The following SLC14A2 variants were observed in gnomAD, a reference collection of about 807,000 sequenced individuals.
SLC14A2 encodes urea transporter 2.
A neutral mutation model predicts 104.6 loss-of-function variants in SLC14A2; 91 were observed. The observed-to-expected ratio is 0.87, with a 90% CI of 0.73 to 1.04. The LOEUF (loss-of-function observed/expected upper bound fraction) is 1.04. Among genes scored for constraint, SLC14A2 ranks in the 50% least tolerant of loss-of-function variants. The pLI, the probability that SLC14A2 is intolerant of heterozygous loss-of-function variation, is 0.00. For synonymous variants in SLC14A2, 476 were observed against 466.4 expected (o/e 1.02, Z -0.27); for missense variants, 1,189 against 1,156.0 (o/e 1.03, Z -0.41).
At chr18:45,391,433 A>G (rs1021711874) in intron 1 of SLC14A2, among the ~76,000 whole-genome samples, 4 of 152,194 alleles carry the variant, frequency 2.6e-5, no homozygotes, top group African/African-American at 9.7e-5. Flanking sequence ...TCCTTTGGGT[A>G]TATACCCAGT....
intron 1 of SLC14A2, among the ~76,000 whole-genome samples, chr18:45,265,809 C>T (rs1030773403): frequency 6.6e-6 from 1 of 152,174 alleles, no homozygotes; most frequent in African/African-American, 2.4e-5. Flanking sequence ...CCTGTTGTTA[C>T]TGTTTTTAGA....
At chr18:45,205,457 A>G in the SLC14A2 span, among the ~76,000 whole-genome samples, 2 of 152,354 alleles carry the variant, frequency 1.3e-5, no homozygotes, top group African/African-American at 2.4e-5. Flanking sequence ...TAGAAGGAGC[A>G]GACAAAGCTG....
intron 2 of SLC14A2, among the ~76,000 whole-genome samples, chr18:45,600,745 C>A (rs965318817): frequency 6.6e-6 from 1 of 152,186 alleles, no homozygotes; most frequent in Non-Finnish European, 1.5e-5. Flanking sequence ...TGAGTGTGAG[C>A]AGAAGATCTA....
intron 1 of SLC14A2, among the ~76,000 whole-genome samples, chr18:45,264,634 C>T (rs190801377): frequency 6.6e-5 from 10 of 152,204 alleles, no homozygotes; most frequent in African/African-American, 2.4e-4. Flanking sequence ...GGGGACAGGC[C>T]TGGGAGAATG....
intron 1 of SLC14A2, among the ~76,000 whole-genome samples, chr18:45,281,307 C>A (rs942307245): frequency 2.6e-5 from 4 of 152,054 alleles, no homozygotes; most frequent in African/African-American, 4.8e-5. Context: ...TACACACTTA[C>A]ACACACACAC....
At chr18:45,654,179 C>T (rs1028247401) in intron 10 of SLC14A2, among the ~76,000 whole-genome samples, 1 of 151,640 alleles carries the variant, frequency 6.6e-6, no homozygotes, top group Non-Finnish European at 1.5e-5. Flanking sequence ...ATTTGTCTTT[C>T]TTCTCCCTGA....
At chr18:45,675,700 TATATA>T (rs2046214884) in intron 18 of SLC14A2, among the ~76,000 whole-genome samples, 1 of 64,086 alleles carries the variant, frequency 1.6e-5, no homozygotes, top group African/African-American at 5.9e-5. Context: ...TATATATATA[TATATA>T]TATATTTTTT....
chr18:45,288,943 T>C (rs1276185647), intron 1 of SLC14A2, among the ~76,000 whole-genome samples: 1 of 152,178 alleles, frequency 6.6e-6, no homozygotes, highest in Non-Finnish European at 1.5e-5. Context: ...TAAACGTAAA[T>C]GAAGGAGCCC....
At chr18:45,237,557 G>A (rs2144040928) in intron 1 of SLC14A2, among the ~76,000 whole-genome samples, 1 of 152,320 alleles carries the variant, frequency 6.6e-6, no homozygotes, top group East Asian at 1.9e-4. Flanking sequence ...TGTGACCTTG[G>A]AGTGGTGGCG....
intron 2 of SLC14A2, among the ~76,000 whole-genome samples, chr18:45,559,890 A>G (rs572809741): frequency 1.3e-5 from 2 of 152,128 alleles, no homozygotes; most frequent in Non-Finnish European, 2.9e-5. Flanking sequence ...TTTCAGCCCA[A>G]AGGCTGTTCC....
intron 1 of SLC14A2, among the ~76,000 whole-genome samples, chr18:45,232,805 C>A (rs988991069): frequency 6.6e-6 from 1 of 152,304 alleles, no homozygotes; most frequent in East Asian, 1.9e-4. Flanking sequence ...TGCTATTAAG[C>A]AGCTTATAGG....
At chr18:45,299,239 TAG>T (rs2084944625) in intron 1 of SLC14A2, among the ~76,000 whole-genome samples, 1 of 152,228 alleles carries the variant, frequency 6.6e-6, no homozygotes, top group Non-Finnish European at 1.5e-5. Context: ...CCTTTCTTTT[TAG>T]AGAGTTCCAG....
At chr18:45,326,542 C>T (rs1362431765) in intron 1 of SLC14A2, among the ~76,000 whole-genome samples, 1 of 152,192 alleles carries the variant, frequency 6.6e-6, no homozygotes, top group Non-Finnish European at 1.5e-5. Context: ...TTCAACCATT[C>T]CTTTTGAGTC....
At chr18:45,305,700 G>GT (rs937911127) in intron 1 of SLC14A2, among the ~76,000 whole-genome samples, 21 of 151,442 alleles carry the variant, frequency 1.4e-4, no homozygotes, top group African/African-American at 3.4e-4. Flanking sequence ...AGCGAAGATG[G>GT]TTTTTTTTTC....
At chr18:45,363,310 C>T (rs949088021) in intron 1 of SLC14A2, among the ~76,000 whole-genome samples, 4 of 151,736 alleles carry the variant, frequency 2.6e-5, no homozygotes, top group African/African-American at 9.7e-5. Context: ...AATATGGGCA[C>T]AAAACCAGGA....
chr18:45,222,035 A>C (rs2084067459), intron 1 of SLC14A2, among the ~76,000 whole-genome samples: 1 of 152,148 alleles, frequency 6.6e-6, no homozygotes, highest in African/African-American at 2.4e-5. Flanking sequence ...TTAAGATACA[A>C]AGAGAGAAGA....
chr18:45,368,306 A>G (rs2085687000), intron 1 of SLC14A2, among the ~76,000 whole-genome samples: 1 of 152,162 alleles, frequency 6.6e-6, no homozygotes, highest in Non-Finnish European at 1.5e-5. Context: ...GAATATATAG[A>G]AAAAGCATGA....
chr18:45,641,670 C>T (rs1251250774), intron 8 of SLC14A2, among the ~76,000 whole-genome samples: 1 of 152,232 alleles, frequency 6.6e-6, no homozygotes, highest in Non-Finnish European at 1.5e-5. Context: ...ACAACACCAT[C>T]AAGTGCCAGG....
In SLC14A2 at chr18:45,474,929, T is replaced by G. The variant is rs549546150; in HGVS notation, c.-124-8304T>G. On this transcript the variant is annotated intron_variant, in intron 1 of 20. Coordinates refer to the SLC14A2 transcript ENST00000586448. ...TCTTGTCTTTTGCTAGCTTTTGAAT[T>G]TGTTTGCTCTTGCTTCTCTAGTTCT... Among the ~76,000 whole-genome samples, 18 of 152,214 alleles carry G rather than the reference T, an allele frequency of 1.2e-4. No individual in the cohort carries two copies. In the South Asian group the frequency reaches 3.7e-3, roughly 32 times the overall value.
Sources: gnomAD v4.1 joint callset for allele counts (sites outside exome capture counted in the v4.1 genomes callset) on GRCh38, gnomAD v4.1.1 for gene constraint, MANE v1.5 for transcripts, NCBI Gene and HGNC (gene_info 2026-07-23, HGNC 2026-07-21) for gene names.